Variants in FCMR observed in about 807,000 individuals in gnomAD.
FCMR encodes Fc mu receptor, also known as immunoglobulin mu Fc receptor.
A neutral mutation model predicts 41.6 loss-of-function variants in FCMR; 34 were observed. That is an observed-to-expected ratio of 0.82 (90% confidence interval 0.62 to 1.09). FCMR has a LOEUF of 1.09. FCMR is among the 50% of genes least tolerant of loss of function. The pLI is 0.00. For missense variants in FCMR, 496 were observed against 512.5 expected, an observed-to-expected ratio of 0.97 and a Z score of 0.31; for synonymous variants, 209 against 211.8, an observed-to-expected ratio of 0.99 and a Z score of 0.12.
At chr1:206,915,803 C>T (rs1679168702) in intron 1 of FCMR, among the ~76,000 whole-genome samples, 1 of 152,118 alleles carries the variant, frequency 6.6e-6, no homozygotes, top group Admixed American at 6.5e-5. Context: ...GAGACATTTG[C>T]AAACGTACTG....
At chr1:206,921,101 T>C (rs1467329564) in intron 1 of FCMR, among the ~76,000 whole-genome samples, 1 of 152,116 alleles carries the variant, frequency 6.6e-6, no homozygotes, top group Non-Finnish European at 1.5e-5. Flanking sequence ...CAGTTGTAAG[T>C]TGAGATATGG....
chr1:206,918,663 G>A (rs1159434156), intron 1 of FCMR, among the ~76,000 whole-genome samples: 2 of 151,650 alleles, frequency 1.3e-5, no homozygotes, highest in Non-Finnish European at 2.9e-5. Flanking sequence ...GTGTGTGTGT[G>A]TGTGTGTGTG....
Position 206,905,118 on chromosome 1 carries a change from T to C in FCMR, c.1074A>G (p.Pro358=). The C allele has an allele frequency of 6.2e-7, 1 of 1,614,106 alleles. No individual in the cohort carries two copies. Among genetic ancestry groups the C allele is most frequent in the Non-Finnish European group, 8.5e-7 (1 of 1,179,996 alleles). ...QVSESPWLHA[P]SLKTSCEYVS... is the part of the protein sequence containing the mutation. ...CGTATTCACAGCTGGTCTTCAGAGA[T>C]GGGGCATGGAGCCAGGGAGATTCAG... Residue 358 remains proline (P), a synonymous_variant, in exon 8 of 8, where the codon CCA becomes CCG. Transcript: ENST00000367091.
chr1:206,912,380 A>G (rs1428402015), intron 3 of FCMR, among the ~76,000 whole-genome samples: 5 of 152,218 alleles, frequency 3.3e-5, no homozygotes, highest in Admixed American at 2.0e-4. Context: ...AATAATGTTC[A>G]ATTAATGTGT....
rs1294797805 is a variant in FCMR at position 206,903,387 on chromosome 1, C to CACAA, written c.*1631_*1632insTTGT. The CACAA allele has an allele frequency of 1.2e-5, 3 of 247,350 alleles. No homozygotes were observed. Among genetic ancestry groups the CACAA allele is most frequent in the Non-Finnish European group, 2.4e-5 (3 of 125,136 alleles). The allele number at this position is 247,350 out of a possible 1,614,324, so 15.3% of individuals were successfully genotyped here. ...AGGCAGCAGAATATTGTGCCCCATG[C>CACAA]TTCTTTACCCCTCACAATCCTTGCC... On this transcript the variant is annotated 3_prime_UTR_variant, in exon 8 of 8. Transcript: ENST00000367091.
At position 206,910,282 on chromosome 1, in the gene FCMR, G is replaced by T; in HGVS notation, c.769C>A (p.Pro257Thr). The T allele has an allele frequency of 6.3e-7, 1 of 1,577,934 alleles. No homozygotes were observed. ...AGCAGGAAAAGGCCCAGGATGGTCGGGATCAGGATGTGAAATCCTTGGCCT... is the reference window on the plus strand; with the variant it reads ...AGCAGGAAAAGGCCCAGGATGGTCGTGATCAGGATGTGAAATCCTTGGCCT... ...REGQGFHILI[P>T]TILGLFLLAL... is the part of the protein sequence containing the mutation. Residue 257 changes from proline to threonine, a missense_variant, in exon 5 of 8, where the codon CCG becomes ACG. By Grantham distance (38) the Pro-to-Thr change is conservative (BLOSUM62 -1). Coordinates refer to ENST00000367091, the MANE Select transcript of FCMR (RefSeq NM_005449.5).
Position 206,910,197 on chromosome 1 carries a change from C to A in FCMR, c.841+13G>T. 3 of 1,589,978 alleles carry A rather than the reference C, an allele frequency of 1.9e-6. No homozygotes were observed. Among genetic ancestry groups the A allele is most frequent in the Non-Finnish European group, 8.5e-7 (1 of 1,170,152 alleles). ...GGCAGCTCAGCTCTCCCTACCGAAG[C>A]CCAGCCGCTCACCTTTCCTCCTTTC... On this transcript the variant is annotated intron_variant, in intron 5 of 7. Coordinates refer to ENST00000367091, the MANE Select transcript of FCMR (RefSeq NM_005449.5).
intron 5 of FCMR, 137 bp downstream of exon 5, chr1:206,910,073 C>T (rs1678860275): frequency 8.5e-7 from 1 of 1,183,426 alleles, no homozygotes; most frequent in Non-Finnish European, 1.2e-6. Flanking sequence ...ACCAGTGGCC[C>T]CCACTTCCCT....
At position 206,912,986 on chromosome 1, in the gene FCMR, G is replaced by T. The variant is rs764992422; in HGVS notation, c.430C>A (p.Leu144Met). Residue 144 changes from leucine to methionine, a missense_variant, in exon 3 of 8, where the codon CTG (leucine) becomes ATG (methionine). Coordinates refer to ENST00000367091, the MANE Select transcript of FCMR (RefSeq NM_005449.5). ...GCAGGCATCTGGAACAAATAGGGCA[G>T]ATGAAACCATTTTGGAGTCTCAGGC... ...PMPETPKWFHLPYLFQMPAYA... is the reference protein window; with the variant it reads ...PMPETPKWFHMPYLFQMPAYA... The T allele has an allele frequency of 2.1e-5, 34 of 1,613,860 alleles. 1 individual carries two copies. The highest frequency in any genetic ancestry group is 3.3e-4 in the Middle Eastern group (2 of 6,084).
intron 3 of FCMR, among the ~76,000 whole-genome samples, chr1:206,912,617 T>C (rs916110759): frequency 3.3e-5 from 5 of 152,198 alleles, no homozygotes; most frequent in African/African-American, 4.8e-5. Context: ...CCAGTCTTGG[T>C]TTCCGCAGTC....
In FCMR at chr1:206,909,519, G is replaced by A. The variant is rs918093286; in HGVS notation, c.987C>T (p.Gly329=). 9.8e-6 allele frequency: 13 copies of A among 1,324,296 alleles called. No individual in the cohort carries two copies. The African/African-American group carries it at 1.7e-4, about 17-fold the overall frequency. The allele number at this position is 1,324,296 out of a possible 1,614,324, so 82.0% of individuals were successfully genotyped here. The part of the protein sequence containing the change: ...PRRARGADAA[G]TGEAPVPGPG... ...GGCCGGGAACGGGGGCCTCCCCTGT[G>A]CCTAGGGAACAGCGAGGGCGAGGTG... is the stretch of plus-strand genomic sequence containing the variant. The change falls in exon 7 of 8, where the codon GGC becomes GGT. Residue 329 remains glycine, a splice_region_variant and synonymous_variant. Transcript: ENST00000367091. The surrounding 1 kb of genome is among the most constrained non-coding windows in gnomAD (Gnocchi z 5.0).
chr1:206,913,800 T>G lies in FCMR; in HGVS notation c.332A>C (p.Asp111Ala). The G allele has an allele frequency of 6.2e-7, 1 of 1,614,218 alleles. No individual in the cohort carries two copies. The highest frequency in any genetic ancestry group is 8.5e-7 in the Non-Finnish European group (1 of 1,180,038). The change falls in exon 2 of 8, where the codon GAC becomes GCC. Residue 111 changes from aspartate (D) to alanine (A), a missense_variant. Physicochemically the swap from Asp to Ala is moderately radical, Grantham distance 126. Coordinates refer to ENST00000367091, the MANE Select transcript of FCMR (RefSeq NM_005449.5). ...GGTGACTTTCTGGGTCTTTCCCCGG[T>G]CTGTGTTCATGCCCGCTCCGCAGGC... ...VYACGAGMNT[D>A]RGKTQKVTLN... is the part of the protein sequence containing the mutation.
At position 206,909,573 on chromosome 1, in the gene FCMR, G is replaced by A. The variant is rs1043698268; in HGVS notation, c.986-53C>T. The stretch of plus-strand genomic sequence containing the variant: ...CGGCGGCCGAGGCTCCCGCCCCACC[G>A]TCATGCTACTACTCCCAGCTCCACC... On this transcript the variant is annotated intron_variant, in intron 6 of 7. Transcript: ENST00000367091. This position sits in a 1 kb window ranked among gnomAD's most constrained non-coding sequence, Gnocchi z 5.0. The A allele has an allele frequency of 4.7e-6, 6 of 1,275,596 alleles. No homozygotes were observed. Among genetic ancestry groups the A allele is most frequent in the East Asian group, 3.2e-5 (1 of 31,642 alleles). The allele number at this position is 1,275,596 out of a possible 1,614,324, so 79.0% of individuals were successfully genotyped here. A position where few individuals can be genotyped will look rare whatever the true frequency, so the allele number is the denominator to read the frequency against.
chr1:206,915,756 G>A (rs1229841808), intron 1 of FCMR, among the ~76,000 whole-genome samples: 1 of 152,142 alleles, frequency 6.6e-6, no homozygotes, highest in Non-Finnish European at 1.5e-5. Context: ...CTAACAGTCC[G>A]GGATATGAGA....
Position 206,904,863 on chromosome 1 carries a change from T to C in FCMR, c.*156A>G, listed in dbSNP as rs1172635168. ...AGACGACCTGGGGGCAGAGCCATGC[T>C]CAGGGCACAGATAGATGGGGATGGG... On this transcript the variant is annotated 3_prime_UTR_variant, in exon 8 of 8. Transcript: ENST00000367091. 3 of 818,782 alleles carry C rather than the reference T, an allele frequency of 3.7e-6. No individual in the cohort carries two copies. Among genetic ancestry groups the C allele is most frequent in the African/African-American group, 3.4e-5 (2 of 59,324 alleles). 50.7% of individuals were successfully genotyped at this position (818,782 alleles called of 1,614,324 possible).
At chr1:206,914,298 C>A (rs969164916) in intron 1 of FCMR, among the ~76,000 whole-genome samples, 1 of 150,448 alleles carries the variant, frequency 6.6e-6, no homozygotes, top group Non-Finnish European at 1.5e-5. Context: ...TTTCTTTTTT[C>A]TTTTTCTTTT....
At position 206,909,803 on chromosome 1, in the gene FCMR, G is replaced by T; in HGVS notation, c.907C>A (p.Arg303Ser). ...TGGGAGCGCGGTCGCGGCGACCCGC[G>T]GGGCCTCTGGGAGCTCTCCAGGGCG... ...MRALESSQRPRGSPRPRSQNN... is the reference protein window; with the variant it reads ...MRALESSQRPSGSPRPRSQNN... Residue 303 changes from arginine to serine, a missense_variant, in exon 6 of 8, where the codon CGC (arginine) becomes AGC (serine). Arg to Ser is a moderately radical substitution (Grantham distance 110). Coordinates refer to ENST00000367091, the MANE Select transcript of FCMR (RefSeq NM_005449.5). This position sits in a 1 kb window ranked among gnomAD's most constrained non-coding sequence, Gnocchi z 5.0. 7.0e-7 allele frequency: 1 copy of T among 1,430,132 alleles called. No homozygotes were observed. 88.6% of individuals were successfully genotyped at this position (1,430,132 alleles called of 1,614,324 possible).
Position 206,909,996 on chromosome 1 carries a change from G to T in FCMR, c.842-128C>A. ...TGACCTGGAGATGCTCCAAGCGTGGGGAATGTACGAGGCACGGCCTTGCCC... is the reference window on the plus strand; with the variant it reads ...TGACCTGGAGATGCTCCAAGCGTGGTGAATGTACGAGGCACGGCCTTGCCC... On this transcript the variant is annotated intron_variant, in intron 5 of 7. Transcript: ENST00000367091. This position sits in a 1 kb window ranked among gnomAD's most constrained non-coding sequence, Gnocchi z 5.0. 8.3e-7 allele frequency: 1 copy of T among 1,198,734 alleles called. No individual in the cohort carries two copies. The highest frequency in any genetic ancestry group is 1.1e-6 in the Non-Finnish European group (1 of 909,568). 74.3% of individuals were successfully genotyped at this position (1,198,734 alleles called of 1,614,324 possible).
chr1:206,913,096 G>C, intron 2 of FCMR, 54 bp from the exon 3 acceptor site: 1 of 1,376,188 alleles, frequency 7.3e-7, no homozygotes, highest in Non-Finnish European at 1.0e-6. Flanking sequence ...ACTGAGGCTT[G>C]GGTGTAAACT....
Sources: allele counts gnomAD v4.1 joint callset (sites outside exome capture counted in the v4.1 genomes callset), GRCh38; gene constraint gnomAD v4.1.1; non-coding constraint Gnocchi (gnomAD v3.1); transcripts MANE v1.5; gene names NCBI Gene and HGNC (gene_info 2026-07-23, HGNC 2026-07-21).